Variants in LEKR1 observed in about 807,000 individuals in gnomAD.
The protein encoded by LEKR1 is protein LEKR1.
In LEKR1, 59 loss-of-function variants were observed where a neutral mutation model predicts 72.4. That is an observed-to-expected ratio of 0.82 (90% confidence interval 0.66 to 1.01). LEKR1 has a LOEUF of 1.01. Ranked by LOEUF, LEKR1 falls within the 50% of genes least tolerant of loss-of-function variation. The probability of loss-of-function intolerance (pLI) is 0.00; values close to 1 mark genes in which losing one functional copy is unlikely to be tolerated. For missense variants in LEKR1, 728 were observed against 759.2 expected (o/e 0.96, Z 0.48); for synonymous variants, 257 against 263.2 (o/e 0.98, Z 0.23).
intron 6 of LEKR1, among the ~76,000 whole-genome samples, chr3:156,954,020 A>G (rs1478611482): frequency 6.6e-6 from 1 of 151,954 alleles, no homozygotes; most frequent in African/African-American, 2.4e-5. Flanking sequence ...CAACCTTGCC[A>G]GCATCTGTTG....
At chr3:156,951,504 T>C (rs1258496244) in intron 6 of LEKR1, among the ~76,000 whole-genome samples, 1 of 151,684 alleles carries the variant, frequency 6.6e-6, no homozygotes, top group Non-Finnish European at 1.5e-5. Flanking sequence ...TTTTTTTGGT[T>C]GGTAGACTGT....
At chr3:156,920,142 T>G (rs1459764899) in intron 3 of LEKR1, among the ~76,000 whole-genome samples, 1 of 152,110 alleles carries the variant, frequency 6.6e-6, no homozygotes, top group Non-Finnish European at 1.5e-5. Flanking sequence ...AAAGTAAACC[T>G]TTCTTTCTTT....
intron 10 of LEKR1, among the ~76,000 whole-genome samples, chr3:157,019,541 T>C (rs1403983356): frequency 6.6e-6 from 1 of 152,236 alleles, no homozygotes; most frequent in African/African-American, 2.4e-5. Flanking sequence ...TTGATTTTAC[T>C]TTGTGTAATT....
At chr3:156,910,016 TG>T (rs1443873140) in intron 3 of LEKR1, among the ~76,000 whole-genome samples, 1 of 152,186 alleles carries the variant, frequency 6.6e-6, no homozygotes, top group Non-Finnish European at 1.5e-5. Context: ...AAACAATGTT[TG>T]GTTAACTCCT....
chr3:156,847,536 G>A (rs970913184), intron 2 of LEKR1, among the ~76,000 whole-genome samples: 1 of 152,096 alleles, frequency 6.6e-6, no homozygotes, highest in Non-Finnish European at 1.5e-5. Context: ...TACTTCATTT[G>A]GGAACATAAT....
At chr3:156,941,683 A>AT (rs1726223699) in intron 5 of LEKR1, among the ~76,000 whole-genome samples, 1 of 152,122 alleles carries the variant, frequency 6.6e-6, no homozygotes, top group South Asian at 2.1e-4. Context: ...TTTCATCTAA[A>AT]TCACATGCTC....
At chr3:156,983,215 AG>A (rs1431068208) in intron 7 of LEKR1, among the ~76,000 whole-genome samples, 1 of 152,172 alleles carries the variant, frequency 6.6e-6, no homozygotes, top group African/African-American at 2.4e-5. Flanking sequence ...GATAGTAGAA[AG>A]GGTAAACTCT....
chr3:156,864,251 C>T (rs2108543501), intron 3 of LEKR1, among the ~76,000 whole-genome samples: 1 of 152,066 alleles, frequency 6.6e-6, no homozygotes, highest in East Asian at 1.9e-4. Context: ...TTATGTCAGT[C>T]ATCCTTTGAC....
chr3:156,982,287 C>G (rs2108001162), intron 7 of LEKR1, among the ~76,000 whole-genome samples: 1 of 152,208 alleles, frequency 6.6e-6, no homozygotes, highest in East Asian at 1.9e-4. Flanking sequence ...TGGCTTCAAC[C>G]CAAAGCTAAG....
At chr3:157,031,936 G>T (rs1239911549) in intron 12 of LEKR1, among the ~76,000 whole-genome samples, 2 of 151,924 alleles carry the variant, frequency 1.3e-5, no homozygotes, top group Non-Finnish European at 2.9e-5. Flanking sequence ...AAACAGCAAG[G>T]GTCGCAAAGC....
intron 2 of LEKR1, among the ~76,000 whole-genome samples, chr3:156,844,996 C>G (rs1249369081): frequency 2.7e-5 from 4 of 150,760 alleles, no homozygotes; most frequent in African/African-American, 9.8e-5. Context: ...ATGAGTGATC[C>G]AGTTTCTCCA....
At chr3:156,977,674 G>A (rs902610658) in intron 6 of LEKR1, 1 of 249,928 alleles carries the variant, frequency 4.0e-6, no homozygotes, top group Non-Finnish European at 8.5e-6. Flanking sequence ...AAATGTACAT[G>A]GGATGGATGC....
chr3:156,902,652 A>G (rs1722146310), intron 3 of LEKR1, among the ~76,000 whole-genome samples: 1 of 152,078 alleles, frequency 6.6e-6, no homozygotes, highest in Non-Finnish European at 1.5e-5. Flanking sequence ...AGCTCCTTAA[A>G]TGGAGTAGCT....
intron 3 of LEKR1, among the ~76,000 whole-genome samples, chr3:156,858,703 A>G (rs1487934076): frequency 2.0e-5 from 3 of 151,136 alleles, no homozygotes; most frequent in Admixed American, 6.6e-5. Flanking sequence ...TCTGTTTTCT[A>G]TCCTTTCTTT....
At chr3:156,996,607 C>T (rs1731591014) in intron 9 of LEKR1, among the ~76,000 whole-genome samples, 1 of 152,136 alleles carries the variant, frequency 6.6e-6, no homozygotes, top group South Asian at 2.1e-4. Context: ...AGGACATTTA[C>T]TGTTTTGATA....
chr3:156,937,173 GAAC>G (rs58343127), intron 5 of LEKR1, among the ~76,000 whole-genome samples: 27,304 of 151,102 alleles, frequency 0.18, 3,029 homozygotes, highest in African/African-American at 0.31. Flanking sequence ...AGAACAGCAA[GAAC>G]AACAACAACA....
intron 3 of LEKR1, among the ~76,000 whole-genome samples, chr3:156,862,814 G>A (rs1158454354): frequency 6.6e-6 from 1 of 152,004 alleles, no homozygotes; most frequent in East Asian, 1.9e-4. Flanking sequence ...GTTCGCAGCC[G>A]GTGGAGTTCC....
intron 3 of LEKR1, among the ~76,000 whole-genome samples, chr3:156,916,500 C>T (rs1723665786): frequency 2.0e-5 from 3 of 151,654 alleles, no homozygotes; most frequent in Admixed American, 2.0e-4. Context: ...TTTTCCTATT[C>T]AGTTTGTTTT....
chr3:156,829,079 T>G (rs1386415900), intron 1 of LEKR1, among the ~76,000 whole-genome samples: 1 of 152,200 alleles, frequency 6.6e-6, no homozygotes, highest in Non-Finnish European at 1.5e-5. Context: ...AACTTAGCAG[T>G]CTCTATAGTT....
Sources: gnomAD v4.1 joint callset for allele counts (sites outside exome capture counted in the v4.1 genomes callset) on GRCh38, gnomAD v4.1.1 for gene constraint, MANE v1.5 for transcripts, NCBI Gene and HGNC (gene_info 2026-07-23, HGNC 2026-07-21) for gene names.